Variants in LRRC24 observed in about 807,000 individuals in gnomAD.
LRRC24 encodes the protein leucine rich repeat containing 24.
LRRC24 carries 19 observed loss-of-function variants against 15.3 expected under a neutral mutation model. The observed-to-expected ratio is 1.25, with a 90% CI of 0.87 to 1.83. The LOEUF is 1.83. Ranked by LOEUF, LRRC24 falls within the 40% of genes most tolerant of loss-of-function variation. The pLI is 0.00. For missense variants in LRRC24, 914 were observed against 723.9 expected, an observed-to-expected ratio of 1.26 and a Z score of -3.01; for synonymous variants, 469 against 359.6, an observed-to-expected ratio of 1.30 and a Z score of -3.44.
Position 144,524,498 on chromosome 8 carries a change from G to A in LRRC24, c.381C>T (p.Leu127=). Residue 127 remains leucine (L), a synonymous_variant, in exon 3 of 5, where the codon CTC becomes CTT. Coordinates refer to ENST00000529415, the MANE Select transcript of LRRC24 (RefSeq NM_001024678.4). ...GCGCCAGCTGGTTGCCCGCCAGGTA[G>A]AGCACGCGCAGCTGGGCCAGGCCTA... ...AFVGLAQLRV[L]YLAGNQLARL... The A allele has an allele frequency of 6.3e-7, 1 of 1,597,242 alleles. No individual in the cohort carries two copies. The highest frequency in any genetic ancestry group is 1.1e-5 in the South Asian group (1 of 90,922).
chr8:144,524,364 C>A, intron 3 of LRRC24, 77 bp downstream of exon 3: 2 of 1,594,350 alleles, frequency 1.3e-6, no homozygotes, highest in Non-Finnish European at 1.7e-6. Flanking sequence ...ACTGGGTTGC[C>A]TTTTCTAACT....
chr8:144,525,675 C>CA (rs1816335250), intron 1 of LRRC24: 1 of 152,226 alleles, frequency 6.6e-6, no homozygotes, highest in South Asian at 2.1e-4. Context: ...GGTAACCTGT[C>CA]AGAGAATTGG....
rs1244724284 is a variant in LRRC24, at chr8:144,524,852, C to T, written c.123G>A (p.Leu41=). The change falls in exon 2 of 5, where the codon TTG becomes TTA. Residue 41 remains leucine (L), a synonymous_variant. Transcript: ENST00000529415. ...GCGGGATTCCCAGCGGGACGACGCG[C>T]AACCGCAGGGCGCCACACTCCACCG... ...SATVECGALR[L]RVVPLGIPPG... is the part of the protein sequence containing the mutation. 1 of 1,490,204 alleles carries T rather than the reference C, an allele frequency of 6.7e-7. No homozygotes were observed. The highest frequency in any genetic ancestry group is 8.9e-7 in the Non-Finnish European group (1 of 1,119,904). 92.3% of individuals were successfully genotyped at this position (1,490,204 alleles called of 1,614,324 possible).
Position 144,523,031 on chromosome 8 carries a change from A to AT in LRRC24, c.985dup (p.Met329AsnfsTer14). 6.2e-7 allele frequency: 1 copy of AT among 1,601,084 alleles called. No homozygotes were observed. The highest frequency in any genetic ancestry group is 8.5e-7 in the Non-Finnish European group (1 of 1,175,856). ...CAGCGTGATGTTGCTGAGGAAGAGC[A>AT]TGCCGCTGCCCGTGTCGGATGCCGA... On this transcript the variant is annotated frameshift_variant, in exon 5 of 5. Coordinates refer to ENST00000529415, the MANE Select transcript of LRRC24 (RefSeq NM_001024678.4). LOFTEE classifies it low-confidence loss of function (END_TRUNC).
At position 144,524,631 on chromosome 8, in the gene LRRC24, T is replaced by C. The variant is rs1357525493; in HGVS notation, c.248A>G (p.Asn83Ser). Residue 83 changes from asparagine (N) to serine (S), a missense_variant, in exon 3 of 5, where the codon AAC becomes AGC. Transcript: ENST00000529415. The part of the protein sequence containing the change: ...LAALRRLYLH[N>S]NSLRALEAGA... ...GGCCTCCAGGGCGCGCAGGCTGTTGTTGTGCAGGTAGAGCCGGCGCAGAGC... is the reference window on the plus strand; with the variant it reads ...GGCCTCCAGGGCGCGCAGGCTGTTGCTGTGCAGGTAGAGCCGGCGCAGAGC... 2 of 1,522,296 alleles carry C rather than the reference T, an allele frequency of 1.3e-6. No homozygotes were observed. Among genetic ancestry groups the C allele is most frequent in the Non-Finnish European group, 1.7e-6 (2 of 1,142,992 alleles). The allele number at this position is 1,522,296 out of a possible 1,614,324, so 94.3% of individuals were successfully genotyped here. A position where few individuals can be genotyped will look rare whatever the true frequency, so the allele number is the denominator to read the frequency against.
At chr8:144,525,106 G>A in intron 1 of LRRC24, 73 bp from the exon 2 acceptor site, 2 of 1,029,666 alleles carry the variant, frequency 1.9e-6, no homozygotes, top group Non-Finnish European at 2.6e-6. Context: ...GCCTGCACCT[G>A]CGTCTAACTT....
chr8:144,522,403 TTTA>T lies in LRRC24; in HGVS notation c.*69_*71del. 2 of 1,368,964 alleles carry T rather than the reference TTTA, an allele frequency of 1.5e-6. No homozygotes were observed. Among genetic ancestry groups the T allele is most frequent in the East Asian group, 3.1e-5 (1 of 32,682 alleles). The allele number at this position is 1,368,964 out of a possible 1,614,324, so 84.8% of individuals were successfully genotyped here. A position where few individuals can be genotyped will look rare whatever the true frequency, so the allele number is the denominator to read the frequency against. ...CAGCGCACACTGCGCGGCTTCCACC[TTTA>T]CTGACGGAGCATGCGCGAGGCCGCA... On this transcript the variant is annotated 3_prime_UTR_variant, in exon 5 of 5. Transcript: ENST00000529415.
chr8:144,523,653 C>T (rs1486763566), intron 4 of LRRC24: 4 of 504,776 alleles, frequency 7.9e-6, no homozygotes, highest in Non-Finnish European at 1.3e-5. Flanking sequence ...CTCCGTCGGT[C>T]TCTGAGAAAG....
rs368983295 is a variant in LRRC24, at chr8:144,522,700, C to A, written c.1317G>T (p.Pro439=). Residue 439 remains proline, a synonymous_variant, in exon 5 of 5, where the codon CCG becomes CCT. Transcript: ENST00000529415. ...RRRRKKARGP[P]GEGALFVNDY... Reference sequence around the variant, plus strand: ...CGTTGACGAACAGCGCTCCCTCCCCCGGAGGCCCCCGCGCCTTTTTTCGCC... The same window carrying A: ...CGTTGACGAACAGCGCTCCCTCCCCAGGAGGCCCCCGCGCCTTTTTTCGCC... 1.9e-6 allele frequency: 3 copies of A among 1,595,962 alleles called. No homozygotes were observed. Among genetic ancestry groups the A allele is most frequent in the Non-Finnish European group, 2.6e-6 (3 of 1,172,358 alleles).
In LRRC24 at chr8:144,524,637, A is replaced by C; in HGVS notation, c.242T>G (p.Leu81Arg). Residue 81 changes from leucine to arginine, a missense_variant, in exon 3 of 5, where the codon CTG becomes CGG. Transcript: ENST00000529415. ...APLAALRRLY[L>R]HNNSLRALEA... is the part of the protein sequence containing the mutation. ...CAGGGCGCGCAGGCTGTTGTTGTGC[A>C]GGTAGAGCCGGCGCAGAGCGGCGAG... The C allele has an allele frequency of 6.6e-7, 1 of 1,516,716 alleles. No homozygotes were observed. The highest frequency in any genetic ancestry group is 8.8e-7 in the Non-Finnish European group (1 of 1,140,778). The allele number at this position is 1,516,716 out of a possible 1,614,324, so 94.0% of individuals were successfully genotyped here.
rs1323900231 is a variant in LRRC24, at chr8:144,523,344, G to T, written c.673C>A (p.Arg225=). 6.3e-7 allele frequency: 1 copy of T among 1,586,682 alleles called. No individual in the cohort carries two copies. Among genetic ancestry groups the T allele is most frequent in the Non-Finnish European group, 8.6e-7 (1 of 1,163,336 alleles). The change falls in exon 5 of 5, where the codon CGG becomes AGG. Residue 225 remains arginine (R), a synonymous_variant. Coordinates refer to ENST00000529415, the MANE Select transcript of LRRC24 (RefSeq NM_001024678.4). ...LGAWIKEGGQ[R]LLTSRDRKIM... Reference sequence around the variant, plus strand: ...TTCCTGTCCCTGGAGGTGAGCAGCCGCTGGCCGCCCTCCTTGATCCAGGCA... The same window carrying T: ...TTCCTGTCCCTGGAGGTGAGCAGCCTCTGGCCGCCCTCCTTGATCCAGGCA...
chr8:144,524,883 C>G lies in LRRC24; in HGVS notation c.92G>C (p.Ser31Thr). The G allele has an allele frequency of 6.6e-7, 1 of 1,513,696 alleles. No homozygotes were observed. Among genetic ancestry groups the G allele is most frequent in the Non-Finnish European group, 8.8e-7 (1 of 1,132,532 alleles). 93.8% of individuals were successfully genotyped at this position (1,513,696 alleles called of 1,614,324 possible). Residue 31 changes from serine (S) to threonine (T), a missense_variant, in exon 2 of 5, where the codon AGC becomes ACC. Transcript: ENST00000529415. The stretch of plus-strand genomic sequence containing the variant: ...CAGGGCGCCACACTCCACCGTGGCG[C>G]TGTAGCAGCGGCAGGCTGCTGGGCA... Reference protein sequence around the residue: ...AGCPAACRCYSATVECGALRL... With the variant: ...AGCPAACRCYTATVECGALRL...
At position 144,523,032 on chromosome 8, in the gene LRRC24, T is replaced by C. The variant is rs1270615265; in HGVS notation, c.985A>G (p.Met329Val). ...GHSASDTGSG[M>V]LFLSNITLAH... ...AGCGTGATGTTGCTGAGGAAGAGCA[T>C]GCCGCTGCCCGTGTCGGATGCCGAG... Residue 329 changes from methionine to valine, a missense_variant, in exon 5 of 5, where the codon ATG becomes GTG. Coordinates refer to ENST00000529415, the MANE Select transcript of LRRC24 (RefSeq NM_001024678.4). 2.5e-6 allele frequency: 4 copies of C among 1,600,968 alleles called. No homozygotes were observed. Among genetic ancestry groups the C allele is most frequent in the East Asian group, 2.2e-5 (1 of 44,708 alleles).
Position 144,522,854 on chromosome 8 carries a change from C to T in LRRC24, c.1163G>A (p.Arg388Gln). Residue 388 changes from arginine (R) to glutamine (Q), a missense_variant, in exon 5 of 5, where the codon CGG (arginine) becomes CAG (glutamine). Transcript: ENST00000529415. ...PAARPAGSEP[R>Q]PEAGSMAFRA... The stretch of plus-strand genomic sequence containing the variant: ...GAAGGCCATGCTGCCCGCCTCGGGC[C>T]GGGGCTCGCTGCCGGCGGGGCGGGC... The T allele has an allele frequency of 1.6e-6, 2 of 1,284,310 alleles. No individual in the cohort carries two copies. Among genetic ancestry groups the T allele is most frequent in the East Asian group, 3.1e-5 (1 of 31,966 alleles). 79.6% of individuals were successfully genotyped at this position (1,284,310 alleles called of 1,614,324 possible).
Position 144,524,210 on chromosome 8 carries a change from C to G in LRRC24, c.507G>C (p.Leu169=), listed in dbSNP as rs1385955345. The G allele has an allele frequency of 1.9e-6, 3 of 1,612,500 alleles. No homozygotes were observed. Among genetic ancestry groups the G allele is most frequent in the Non-Finnish European group, 2.5e-6 (3 of 1,179,906 alleles). The part of the protein sequence containing the change: ...ELLEDQALAG[L]SSLALLDLSR... Reference sequence around the variant, plus strand: ...TGAGGTCCAGCAGTGCTAGGGAGGACAGCCCCGCTAGAGCCTGGTCCTCCA... The same window carrying G: ...TGAGGTCCAGCAGTGCTAGGGAGGAGAGCCCCGCTAGAGCCTGGTCCTCCA... Residue 169 remains leucine (L), a synonymous_variant, in exon 4 of 5, where the codon CTG becomes CTC. Transcript: ENST00000529415.
intron 2 of LRRC24, 21 bp downstream of exon 2, chr8:144,524,795 G>A (rs1447863835): frequency 9.7e-6 from 14 of 1,440,168 alleles, no homozygotes; most frequent in Admixed American, 2.8e-5. Context: ...CCGTCCTCCC[G>A]CAGCTCCACA....
At position 144,524,873 on chromosome 8, in the gene LRRC24, C is replaced by T. The variant is rs1326468468; in HGVS notation, c.102G>A (p.Val34=). 13 of 1,511,176 alleles carry T rather than the reference C, an allele frequency of 8.6e-6. No individual in the cohort carries two copies. The highest frequency in any genetic ancestry group is 1.1e-5 in the Non-Finnish European group (12 of 1,131,146). 93.6% of individuals were successfully genotyped at this position (1,511,176 alleles called of 1,614,324 possible). A position where few individuals can be genotyped will look rare whatever the true frequency, so the allele number is the denominator to read the frequency against. The stretch of plus-strand genomic sequence containing the variant: ...CGCGCAACCGCAGGGCGCCACACTC[C>T]ACCGTGGCGCTGTAGCAGCGGCAGG... ...PAACRCYSAT[V]ECGALRLRVV... Residue 34 remains valine (V), a synonymous_variant, in exon 2 of 5, where the codon GTG becomes GTA. Coordinates refer to ENST00000529415, the MANE Select transcript of LRRC24 (RefSeq NM_001024678.4).
chr8:144,524,789 C>T (rs1393129257), intron 2 of LRRC24, 27 bp downstream of exon 2: 10 of 1,437,520 alleles, frequency 7.0e-6, no homozygotes, highest in Middle Eastern at 2.1e-4. Flanking sequence ...GGCACCCCGT[C>T]CTCCCGCAGC....
In LRRC24 at chr8:144,524,678, C is replaced by G; in HGVS notation, c.201G>C (p.Pro67=). The change falls in exon 3 of 5, where the codon CCG becomes CCC. Residue 67 remains proline (P), a synonymous_variant. Transcript: ENST00000529415. ...GAGCGGCGAGTGGCGCCAGGGCTCC[C>G]GGCTCTAGGCGGGCGATGTTGTTGT... The part of the protein sequence containing the change: ...LQDNNIARLE[P]GALAPLAALR... 3 of 1,475,056 alleles carry G rather than the reference C, an allele frequency of 2.0e-6. No homozygotes were observed. Among genetic ancestry groups the G allele is most frequent in the Non-Finnish European group, 2.7e-6 (3 of 1,123,942 alleles). The allele number at this position is 1,475,056 out of a possible 1,614,324, so 91.4% of individuals were successfully genotyped here. A position where few individuals can be genotyped will look rare whatever the true frequency, so the allele number is the denominator to read the frequency against.
Sources: gnomAD v4.1 joint callset for allele counts on GRCh38, gnomAD v4.1.1 for gene constraint, MANE v1.5 for transcripts, NCBI Gene and HGNC (gene_info 2026-07-23, HGNC 2026-07-21) for gene names.